Variants in PADI3 observed in about 807,000 individuals in gnomAD.
PADI3 encodes peptidyl arginine deiminase 3, also known as protein-arginine deiminase type-3.
PADI3 carries 53 observed loss-of-function variants against 71.5 expected under a neutral mutation model. The observed-to-expected ratio is 0.74, with a 90% confidence interval of 0.59 to 0.93. PADI3 has a LOEUF of 0.93. Ranked by LOEUF, PADI3 falls within the 40% of genes least tolerant of loss-of-function variation. The pLI is 0.00. For synonymous variants in PADI3, 361 were observed against 347.5 expected, an observed-to-expected ratio of 1.04 and a Z score of -0.43; for missense variants, 821 against 868.0, an observed-to-expected ratio of 0.95 and a Z score of 0.68.
chr1:17,275,436 CAAAAAAA>C (rs10617336), intron 11 of PADI3, among the ~76,000 whole-genome samples: 1 of 89,464 alleles, frequency 1.1e-5, no homozygotes. Context: ...GACTCCGTCT[CAAAAAAA>C]AAAAAAAAAA....
chr1:17,266,915 G>A (rs943648349), intron 5 of PADI3, 79 bp downstream of exon 5: 16 of 1,085,418 alleles, frequency 1.5e-5, no homozygotes, highest in South Asian at 6.5e-5. Flanking sequence ...ACCCACAGGC[G>A]AGACTCTGAG....
chr1:17,279,785 G>T (rs1404594669), intron 13 of PADI3, among the ~76,000 whole-genome samples: 4 of 152,188 alleles, frequency 2.6e-5, no homozygotes, highest in African/African-American at 7.2e-5. Flanking sequence ...AGGATTGTGT[G>T]CCATTGACTC....
rs764268851 is a variant in PADI3 at position 17,267,852 on chromosome 1, C to G, written c.542C>G (p.Ser181Cys). The G allele has an allele frequency of 8.9e-5, 144 of 1,613,832 alleles. No homozygotes were observed. Among genetic ancestry groups the G allele is most frequent in the Non-Finnish European group, 1.2e-4 (139 of 1,180,034 alleles). Residue 181 changes from serine (S) to cysteine (C), a missense_variant, in exon 6 of 16, where the codon TCT (serine) becomes TGT (cysteine). Ser to Cys is a moderately radical substitution (Grantham distance 112, BLOSUM62 -1). Transcript: ENST00000375460. ...VHCLQDLEDM[S>C]VMVLRTQGPA... is the part of the protein sequence containing the mutation. ...GGCTTCACAGACCTGGAAGACATGT[C>G]TGTCATGGTCCTGCGGACGCAGGGC...
At chr1:17,258,262 C>T (rs779336450) in intron 1 of PADI3, among the ~76,000 whole-genome samples, 1 of 152,202 alleles carries the variant, frequency 6.6e-6, no homozygotes, top group African/African-American at 2.4e-5. Context: ...CATGGGTTCC[C>T]ACTGAGCTGT....
At position 17,271,246 on chromosome 1, in the gene PADI3, G is replaced by A. The variant is rs189676862; in HGVS notation, c.1047+68G>A. 3,537 of 1,346,344 alleles carry A rather than the reference G, an allele frequency of 2.6e-3. 3 individuals are homozygous for A. The highest frequency in any genetic ancestry group is 3.4e-3 in the Non-Finnish European group (3,323 of 966,760). 83.4% of individuals were successfully genotyped at this position (1,346,344 alleles called of 1,614,324 possible). ...TGGAGAGAGAGGCCTTCATTTGGGG[G>A]CCACCGAGAAACATCCAGGAGGACC... On this transcript the variant is annotated intron_variant, in intron 9 of 15. Transcript: ENST00000375460.
At chr1:17,281,492 C>A (rs960366341) in intron 15 of PADI3, among the ~76,000 whole-genome samples, 1 of 147,382 alleles carries the variant, frequency 6.8e-6, no homozygotes, top group East Asian at 2.0e-4. Context: ...GTTGCCCAGG[C>A]TGGAGGGCAG....
At chr1:17,282,558 T>G (rs118096887) in intron 15 of PADI3, among the ~76,000 whole-genome samples, 1 of 152,076 alleles carries the variant, frequency 6.6e-6, no homozygotes, top group South Asian at 2.1e-4. Flanking sequence ...GCCTAGAAGG[T>G]TGGGATTCTG....
rs114776918 is a variant in PADI3, at chr1:17,274,836, G to A, written c.1307+50G>A. Reference sequence around the variant, plus strand: ...TTCCTGGGGTGGAGGCTGAGGGTTGGGGGTGGTGATGATGGTGGAGCAGGG... The same window carrying A: ...TTCCTGGGGTGGAGGCTGAGGGTTGAGGGTGGTGATGATGGTGGAGCAGGG... On this transcript the variant is annotated intron_variant, in intron 11 of 15. Transcript: ENST00000375460. The A allele has an allele frequency of 1.2e-3, 1,846 of 1,583,616 alleles. 26 individuals carry two copies. The African/African-American group carries it at 0.023, about 19-fold the overall frequency.
chr1:17,253,518 G>A (rs993126927), intron 1 of PADI3, among the ~76,000 whole-genome samples: 1 of 152,154 alleles, frequency 6.6e-6, no homozygotes, highest in African/African-American at 2.4e-5. Flanking sequence ...ACCACACCTG[G>A]CAATGAGCCA....
rs1374196210 is a variant in PADI3, at chr1:17,265,655, G to A, written c.347-4G>A. The A allele has an allele frequency of 1.2e-6, 2 of 1,614,022 alleles. No homozygotes were observed. The highest frequency in any genetic ancestry group is 1.7e-6 in the Non-Finnish European group (2 of 1,179,890). On this transcript the variant is annotated splice_region_variant and splice_polypyrimidine_tract_variant and intron_variant, in intron 3 of 15. Coordinates refer to ENST00000375460, the MANE Select transcript of PADI3 (RefSeq NM_016233.2). ...AGTGACTTACCCTCTGCCTCCTCTT[G>A]CAGACATCTCTCTGGATTGCGACCT...
chr1:17,261,304 G>T (rs562743508), intron 2 of PADI3, among the ~76,000 whole-genome samples: 85 of 152,274 alleles, frequency 5.6e-4, no homozygotes, highest in Non-Finnish European at 1.0e-3. Context: ...TTGAGTGCTC[G>T]CTGTGGGCCG....
rs773163766 is a variant in PADI3, at chr1:17,249,121, C to G, written c.-17C>G. On this transcript the variant is annotated 5_prime_UTR_variant, in exon 1 of 16. Coordinates refer to ENST00000375460, the MANE Select transcript of PADI3 (RefSeq NM_016233.2). The stretch of plus-strand genomic sequence containing the variant: ...GCAGTGTTGGGGTTGGCGGCCACAG[C>G]TAAGTCCAACACCAGCATGTCGCTG... 2 of 1,611,762 alleles carry G rather than the reference C, an allele frequency of 1.2e-6. No homozygotes were observed. The highest frequency in any genetic ancestry group is 2.2e-5 in the South Asian group (2 of 91,036).
chr1:17,273,207 C>T (rs757771022), intron 9 of PADI3, 133 bp from the exon 10 acceptor site: 43 of 641,314 alleles, frequency 6.7e-5, no homozygotes, highest in South Asian at 1.2e-4. Flanking sequence ...CGGTCCTGTC[C>T]GCCTCCAAGC....
At position 17,266,570 on chromosome 1, in the gene PADI3, C is replaced by T. The variant is rs544624134; in HGVS notation, c.409-149C>T. 9 of 689,902 alleles carry T rather than the reference C, an allele frequency of 1.3e-5. No homozygotes were observed. The South Asian group carries it at 1.5e-4, about 11-fold the overall frequency. 42.7% of individuals were successfully genotyped at this position (689,902 alleles called of 1,614,324 possible). On this transcript the variant is annotated intron_variant, in intron 4 of 15. Coordinates refer to ENST00000375460, the MANE Select transcript of PADI3 (RefSeq NM_016233.2). ...TGGTGTGGGCAACAGAGAGCCATTG[C>T]CATTGACATGTCTTGAGAAGGAGGT...
chr1:17,256,867 T>C (rs916598954), intron 1 of PADI3, among the ~76,000 whole-genome samples: 1 of 151,932 alleles, frequency 6.6e-6, no homozygotes, highest in Non-Finnish European at 1.5e-5. Context: ...ACCCTGTTTC[T>C]ACTGAAAATA....
Position 17,274,778 on chromosome 1 carries a change from C to T in PADI3, c.1299C>T (p.Asn433=). 6.2e-7 allele frequency: 1 copy of T among 1,613,332 alleles called. No individual in the cohort carries two copies. Among genetic ancestry groups the T allele is most frequent in the East Asian group, 2.2e-5 (1 of 44,828 alleles). ...TGGGGAGGATCCTCATTGGGGGCAA[C>T]CTGCCTGGGTGAGAGAGAGACAGGG... ...YPLGRILIGG[N]LPGSSGRRVT... Residue 433 remains asparagine, a synonymous_variant, in exon 11 of 16, where the codon AAC becomes AAT. Coordinates refer to ENST00000375460, the MANE Select transcript of PADI3 (RefSeq NM_016233.2).
At chr1:17,275,033 A>T (rs2073309636) in intron 11 of PADI3, among the ~76,000 whole-genome samples, 1 of 152,170 alleles carries the variant, frequency 6.6e-6, no homozygotes, top group Non-Finnish European at 1.5e-5. Context: ...TTCATTTTAC[A>T]AGTGGGCCCA....
At chr1:17,275,196 G>T (rs557050593) in intron 11 of PADI3, among the ~76,000 whole-genome samples, 2 of 152,074 alleles carry the variant, frequency 1.3e-5, no homozygotes, top group Admixed American at 1.3e-4. Flanking sequence ...AGCACTTTGG[G>T]AGGCCAAGGC....
intron 7 of PADI3, 124 bp from the exon 8 acceptor site, chr1:17,270,755 G>A: frequency 1.4e-6 from 1 of 729,682 alleles, no homozygotes; most frequent in Non-Finnish European, 2.4e-6. Context: ...CCACCCCTCT[G>A]GTTCATTTCC....
Sources: allele counts gnomAD v4.1 joint callset (sites outside exome capture counted in the v4.1 genomes callset), GRCh38; gene constraint gnomAD v4.1.1; transcripts MANE v1.5; gene names NCBI Gene and HGNC (gene_info 2026-07-23, HGNC 2026-07-21).